The following ADGRB3 variants were observed in gnomAD, a reference collection of about 807,000 sequenced individuals.
The protein encoded by ADGRB3 is brain-specific angiogenesis inhibitor 3.
ADGRB3 carries 37 observed loss-of-function variants against 193.4 expected under a neutral mutation model. That is an observed-to-expected ratio of 0.19 (90% confidence interval 0.15 to 0.25). The LOEUF (loss-of-function observed/expected upper bound fraction) is 0.25. ADGRB3 is among the 10% of genes least tolerant of loss of function. The pLI is 1.00. For missense variants in ADGRB3, 1,637 were observed against 1,852.9 expected (o/e 0.88, Z 2.14); for synonymous variants, 690 against 644.2 (o/e 1.07, Z -1.08).
chr6:68,945,684 A>G (rs989225667), intron 6 of ADGRB3, among the ~76,000 whole-genome samples: 6 of 152,168 alleles, frequency 3.9e-5, no homozygotes, highest in African/African-American at 1.4e-4. Flanking sequence ...CTTCATAAAT[A>G]CAAACATAAA....
At chr6:68,831,669 A>G (rs1307479010) in intron 3 of ADGRB3, among the ~76,000 whole-genome samples, 1 of 152,178 alleles carries the variant, frequency 6.6e-6, no homozygotes, top group Non-Finnish European at 1.5e-5. Flanking sequence ...TAAGAAAACC[A>G]GAATGGAGTG....
At chr6:69,284,562 A>C (rs1439021383) in intron 20 of ADGRB3, among the ~76,000 whole-genome samples, 1 of 152,184 alleles carries the variant, frequency 6.6e-6, no homozygotes, top group Non-Finnish European at 1.5e-5. Context: ...AGCCCTGGTT[A>C]CTACTTTTCA....
chr6:68,672,029 A>G (rs1424073635), intron 3 of ADGRB3, among the ~76,000 whole-genome samples: 1 of 151,986 alleles, frequency 6.6e-6, no homozygotes, highest in Non-Finnish European at 1.5e-5. Context: ...CATTTATTCT[A>G]AATTTCCCAG....
chr6:69,251,402 C>G (rs1005572555), intron 20 of ADGRB3, among the ~76,000 whole-genome samples: 1 of 151,926 alleles, frequency 6.6e-6, no homozygotes. Context: ...ACTTTGTAAT[C>G]TTATTTTAAT....
At chr6:69,168,656 A>T (rs1238311053) in intron 17 of ADGRB3, among the ~76,000 whole-genome samples, 1 of 152,004 alleles carries the variant, frequency 6.6e-6, no homozygotes, top group African/African-American at 2.4e-5. Context: ...ATTAATTTAA[A>T]TTAATTTAAA....
chr6:69,349,393 A>G (rs1769175516), intron 26 of ADGRB3, among the ~76,000 whole-genome samples: 2 of 152,232 alleles, frequency 1.3e-5, no homozygotes, highest in Admixed American at 1.3e-4. Context: ...ATAGAAAGTC[A>G]TTGGGACTGA....
At chr6:69,364,406 A>G (rs1377100123) in intron 29 of ADGRB3, among the ~76,000 whole-genome samples, 1 of 152,084 alleles carries the variant, frequency 6.6e-6, no homozygotes, top group Non-Finnish European at 1.5e-5. Context: ...GAGGCTCCCC[A>G]ACCCCGAAGT....
rs752167939 is a variant in ADGRB3 at position 68,943,906 on chromosome 6, A to G, written c.1107A>G (p.Thr369=). 6.2e-7 allele frequency: 1 copy of G among 1,614,008 alleles called. No individual in the cohort carries two copies. Among genetic ancestry groups the G allele is most frequent in the Non-Finnish European group, 8.5e-7 (1 of 1,179,900 alleles). ...FTCGRGQRTR[T]RSCTPPQYGG... ...GTGGTCGAGGCCAAAGAACAAGAAC[A>G]AGGTCATGCACACCTCCTCAGTATG... The change falls in exon 6 of 32, where the codon ACA becomes ACG. Residue 369 remains threonine (T), a synonymous_variant. Transcript: ENST00000370598.
chr6:68,662,643 T>A (rs1768693040), intron 3 of ADGRB3, among the ~76,000 whole-genome samples: 1 of 151,474 alleles, frequency 6.6e-6, no homozygotes, highest in Non-Finnish European at 1.5e-5. Flanking sequence ...GATAAATGAG[T>A]ATATCTCAAA....
At chr6:69,326,698 G>T (rs1035351678) in intron 21 of ADGRB3, among the ~76,000 whole-genome samples, 1 of 151,872 alleles carries the variant, frequency 6.6e-6, no homozygotes, top group African/African-American at 2.4e-5. Flanking sequence ...TAATTCTTCA[G>T]TTATAACCCA....
chr6:69,175,138 GT>G (rs1288504365), intron 17 of ADGRB3, among the ~76,000 whole-genome samples: 2 of 151,544 alleles, frequency 1.3e-5, no homozygotes, highest in South Asian at 2.1e-4. Flanking sequence ...CAGTTTTTGG[GT>G]TTTTTTTGTT....
chr6:68,862,579 C>T (rs892488689), intron 3 of ADGRB3, among the ~76,000 whole-genome samples: 3 of 152,170 alleles, frequency 2.0e-5, no homozygotes, highest in African/African-American at 7.2e-5. Context: ...TAACTTGCCA[C>T]AGATCTTACC....
intron 17 of ADGRB3, among the ~76,000 whole-genome samples, chr6:69,207,953 G>A (rs1765573843): frequency 6.6e-6 from 1 of 152,164 alleles, no homozygotes; most frequent in South Asian, 2.1e-4. Context: ...GATGAAAGAG[G>A]TCCAATATAA....
chr6:69,240,617 A>T (rs529492487), intron 20 of ADGRB3, among the ~76,000 whole-genome samples: 1 of 151,994 alleles, frequency 6.6e-6, no homozygotes, highest in Non-Finnish European at 1.5e-5. Context: ...GACCAACAGA[A>T]TAAAAAATGA....
At chr6:69,053,052 G>A (rs1488599355) in intron 15 of ADGRB3, among the ~76,000 whole-genome samples, 9 of 152,098 alleles carry the variant, frequency 5.9e-5, no homozygotes, top group African/African-American at 2.2e-4. Flanking sequence ...CGTGCATGGT[G>A]GTGTGTGCCT....
chr6:68,878,965 G>C (rs1765663365), intron 3 of ADGRB3, among the ~76,000 whole-genome samples: 1 of 152,086 alleles, frequency 6.6e-6, no homozygotes, highest in Admixed American at 6.5e-5. Flanking sequence ...AACAGCACAG[G>C]AAAGACCTGT....
chr6:69,078,335 G>C (rs760958870), intron 17 of ADGRB3, among the ~76,000 whole-genome samples: 11 of 151,756 alleles, frequency 7.2e-5, no homozygotes, highest in Non-Finnish European at 1.2e-4. Flanking sequence ...TCACCATCTT[G>C]GGCCTCCACA....
intron 20 of ADGRB3, among the ~76,000 whole-genome samples, chr6:69,305,852 C>A (rs1046037203): frequency 4.0e-5 from 6 of 151,464 alleles, no homozygotes; most frequent in African/African-American, 1.5e-4. Context: ...CATGGATTAA[C>A]AAACTGAAGA....
intron 3 of ADGRB3, among the ~76,000 whole-genome samples, chr6:68,884,509 T>C (rs145269270): frequency 8.0e-4 from 121 of 152,184 alleles, no homozygotes; most frequent in African/African-American, 2.8e-3. Flanking sequence ...CATAAGTTAG[T>C]ATTTCAGGCA....
Sources: allele counts gnomAD v4.1 joint callset (sites outside exome capture counted in the v4.1 genomes callset), GRCh38; gene constraint gnomAD v4.1.1; transcripts MANE v1.5; gene names NCBI Gene and HGNC (gene_info 2026-07-23, HGNC 2026-07-21).